ABCB8: variants seen among roughly 807,000 people sequenced by gnomAD.
ABCB8 encodes mitochondrial potassium channel ATP-binding subunit.
A neutral mutation model predicts 73.0 loss-of-function variants in ABCB8; 52 were observed. That is an observed-to-expected ratio of 0.71 (90% CI 0.57 to 0.90). The LOEUF (loss-of-function observed/expected upper bound fraction) is 0.90, where lower values mean the gene tolerates loss of function less well. Among genes scored for constraint, ABCB8 ranks in the 40% least tolerant of loss-of-function variants. The pLI is 0.00. For synonymous variants in ABCB8, 428 were observed against 423.5 expected (o/e 1.01, Z -0.13); for missense variants, 909 against 974.6 (o/e 0.93, Z 0.90).
intron 5 of ABCB8, 31 bp from the exon 6 acceptor site, chr7:151,035,550 G>C (rs756381592): frequency 4.5e-5 from 71 of 1,563,074 alleles, no homozygotes; most frequent in Non-Finnish European, 6.0e-5. Flanking sequence ...TGCGGACGCC[G>C]TAGCCTCCCG....
intron 1 of ABCB8, among the ~76,000 whole-genome samples, chr7:151,030,404 ACT>A: frequency 6.6e-6 from 1 of 152,082 alleles, no homozygotes; most frequent in East Asian, 1.9e-4. Context: ...AGTCCCAGCT[ACT>A]CGGGAGGCTG....
chr7:151,028,867 C>G lies in ABCB8; in HGVS notation c.95+257C>G, dbSNP rs868096771. ...GGACGCTCGGGGTCAGTGACCACGC[C>G]CAGTCCGCACTCCCGACCGGGGGTC... On this transcript the variant is annotated intron_variant, in intron 1 of 15. Coordinates refer to ENST00000358849, the MANE Select transcript of ABCB8 (RefSeq NM_007188.5). 6 of 1,530,918 alleles carry G rather than the reference C, an allele frequency of 3.9e-6. No individual in the cohort carries two copies. In the Middle Eastern group the frequency reaches 8.7e-4, roughly 221 times the overall value. 94.8% of individuals were successfully genotyped at this position (1,530,918 alleles called of 1,614,324 possible). A position where few individuals can be genotyped will look rare whatever the true frequency, so the allele number is the denominator to read the frequency against.
In ABCB8 at chr7:151,033,665, G is replaced by A. The variant is rs575631456; in HGVS notation, c.156G>A (p.Gln52=). 1 of 1,610,088 alleles carries A rather than the reference G, an allele frequency of 6.2e-7. No individual in the cohort carries two copies. Among genetic ancestry groups the A allele is most frequent in the East Asian group, 2.2e-5 (1 of 44,806 alleles). Residue 52 remains glutamine, a synonymous_variant, in exon 2 of 16, where the codon CAG becomes CAA. Transcript: ENST00000358849. ...GGGCCGTGGCCCACCTGCGGTCCCAGCTCTGGGCCCACCTCCCTCGAGCCC... is the reference window on the plus strand; with the variant it reads ...GGGCCGTGGCCCACCTGCGGTCCCAACTCTGGGCCCACCTCCCTCGAGCCC... ...LLRAVAHLRS[Q]LWAHLPRAPL...
intron 1 of ABCB8, chr7:151,028,871 T>A (rs1447986568): frequency 5.9e-6 from 9 of 1,526,682 alleles, no homozygotes; most frequent in Middle Eastern, 1.7e-4. Flanking sequence ...CCACGCCCAG[T>A]CCGCACTCCC....
At chr7:151,028,645 T>A (rs1796040023) in intron 1 of ABCB8, 35 bp downstream of exon 1, 1 of 1,597,096 alleles carries the variant, frequency 6.3e-7, no homozygotes, top group Non-Finnish European at 8.5e-7. Context: ...AGCGGGCCAT[T>A]GACCGCCCGG....
intron 1 of ABCB8, among the ~76,000 whole-genome samples, chr7:151,032,597 G>A (rs141263065): frequency 6.6e-6 from 1 of 152,076 alleles, no homozygotes; most frequent in African/African-American, 2.4e-5. Context: ...AGGAGGCTGA[G>A]GCAGGAGAAT....
intron 9 of ABCB8, 61 bp downstream of exon 9, chr7:151,036,710 G>A: frequency 2.1e-6 from 3 of 1,424,706 alleles, no homozygotes; most frequent in South Asian, 1.2e-5. Flanking sequence ...GCCCTGCTGG[G>A]TTAGGGGACA....
At chr7:151,041,346 C>A (rs913422819) in intron 13 of ABCB8, 114 bp downstream of exon 13, 2 of 1,362,970 alleles carry the variant, frequency 1.5e-6, no homozygotes, top group Middle Eastern at 2.6e-4. Flanking sequence ...TTGCTGCTCT[C>A]GGGAGACCCT....
Position 151,044,237 on chromosome 7 carries a change from G to A in ABCB8, c.2016+16G>A. 6.3e-7 allele frequency: 1 copy of A among 1,592,726 alleles called. No individual in the cohort carries two copies. Among genetic ancestry groups the A allele is most frequent in the Non-Finnish European group, 8.6e-7 (1 of 1,164,720 alleles). On this transcript the variant is annotated intron_variant, in intron 15 of 15. Coordinates refer to ENST00000358849, the MANE Select transcript of ABCB8 (RefSeq NM_007188.5). Reference sequence around the variant, plus strand: ...TGTCTGGGAGGTTAGTTGTCCTGGGGGCGTGGATCAGTGGGTTGAGGATGG... The same window carrying A: ...TGTCTGGGAGGTTAGTTGTCCTGGGAGCGTGGATCAGTGGGTTGAGGATGG...
At chr7:151,036,806 G>A in intron 9 of ABCB8, 157 bp downstream of exon 9, 1 of 774,088 alleles carries the variant, frequency 1.3e-6, no homozygotes, top group African/African-American at 1.7e-5. Context: ...TGGGGAGAGA[G>A]AGCCCCTCAG....
chr7:151,040,402 T>C (rs1026377814), intron 10 of ABCB8, 96 bp from the exon 11 acceptor site: 19 of 1,583,362 alleles, frequency 1.2e-5, no homozygotes, highest in Non-Finnish European at 1.6e-5. Context: ...GCAGAGGAGC[T>C]GGGGAGACCC....
chr7:151,032,823 T>A, intron 1 of ABCB8: 1 of 332,868 alleles, frequency 3.0e-6, no homozygotes, highest in South Asian at 2.4e-5. Flanking sequence ...AATTCTTATT[T>A]TTCTCTGTTT....
At chr7:151,032,588 G>A (rs1190739158) in intron 1 of ABCB8, among the ~76,000 whole-genome samples, 1 of 152,064 alleles carries the variant, frequency 6.6e-6, no homozygotes, top group African/African-American at 2.4e-5. Context: ...CAGCTGCTCA[G>A]GAGGCTGAGG....
chr7:151,036,916 T>A lies in ABCB8; in HGVS notation c.1217+267T>A, dbSNP rs77504743. The A allele has an allele frequency of 2.8e-3, 2,063 of 731,238 alleles. 29 individuals carry two copies. The African/African-American group carries it at 0.031, about 11-fold the overall frequency. 45.3% of individuals were successfully genotyped at this position (731,238 alleles called of 1,614,324 possible). On this transcript the variant is annotated intron_variant, in intron 9 of 15. Coordinates refer to ENST00000358849, the MANE Select transcript of ABCB8 (RefSeq NM_007188.5). ...GGACCCAGAAGTTTCCTTGACAGGCTTTTTAAAAATTTGTTTCAACTGTGG... is the reference window on the plus strand; with the variant it reads ...GGACCCAGAAGTTTCCTTGACAGGCATTTTAAAAATTTGTTTCAACTGTGG...
At chr7:151,043,438 G>A (rs566878881) in intron 14 of ABCB8, among the ~76,000 whole-genome samples, 81 of 141,280 alleles carry the variant, frequency 5.7e-4, no homozygotes, top group South Asian at 1.2e-3. Context: ...GTGCGGGGTG[G>A]GGGTCAGAGA....
chr7:151,040,582 G>C lies in ABCB8; in HGVS notation c.1336G>C (p.Val446Leu), dbSNP rs370506479. ...CATCCCACTGTCTGGGGGCTGCTGC[G>C]TCCCCAAAGAGCAGCTGCGTGGCTC... ...PCIPLSGGCC[V>L]PKEQLRGSVT... is the part of the protein sequence containing the mutation. The change falls in exon 11 of 16, where the codon GTC (valine) becomes CTC (leucine). Residue 446 changes from valine (V) to leucine (L), a missense_variant. Physicochemically the swap from Val to Leu is conservative, Grantham distance 32. Coordinates refer to ENST00000358849, the MANE Select transcript of ABCB8 (RefSeq NM_007188.5). 6.2e-7 allele frequency: 1 copy of C among 1,613,182 alleles called. No homozygotes were observed. Among genetic ancestry groups the C allele is most frequent in the African/African-American group, 1.3e-5 (1 of 74,924 alleles).
At chr7:151,035,850 A>C (rs1796291987) in intron 6 of ABCB8, 32 bp from the exon 7 acceptor site, 13 of 1,610,940 alleles carry the variant, frequency 8.1e-6, no homozygotes, top group Non-Finnish European at 1.1e-5. Context: ...TGTTTTCTGG[A>C]CTCCTTGTCC....
chr7:151,030,595 A>T (rs1464259400), intron 1 of ABCB8, among the ~76,000 whole-genome samples: 1 of 152,182 alleles, frequency 6.6e-6, no homozygotes, highest in Non-Finnish European at 1.5e-5. Context: ...AGGCAGGCAG[A>T]TCACTTGAGG....
chr7:151,033,535 C>G, intron 1 of ABCB8, 70 bp from the exon 2 acceptor site: 4 of 1,510,344 alleles, frequency 2.6e-6, no homozygotes, highest in Non-Finnish European at 8.9e-7. Context: ...CAGCCAGAGC[C>G]CCATGGGTGT....
Sources: gnomAD v4.1 joint callset for allele counts (sites outside exome capture counted in the v4.1 genomes callset) on GRCh38, gnomAD v4.1.1 for gene constraint, MANE v1.5 for transcripts, NCBI Gene and HGNC (gene_info 2026-07-23, HGNC 2026-07-21) for gene names.